The following SELP variants were observed in gnomAD, a reference collection of about 807,000 sequenced individuals.
SELP encodes the protein selectin P.
In SELP, 92 loss-of-function variants were observed where a neutral mutation model predicts 104.1. The ratio of observed to expected loss-of-function variants is 0.88; its 90% CI spans 0.75 to 1.05. SELP has a LOEUF of 1.05. Ranked by LOEUF, SELP falls within the 50% of genes least tolerant of loss-of-function variation. SELP has a pLI of 0.00. For synonymous variants in SELP, 397 were observed against 364.5 expected (o/e 1.09, Z -1.01); for missense variants, 1,022 against 1,017.3 (o/e 1.00, Z -0.06).
chr1:169,594,931 G>A lies in SELP; in HGVS notation c.2102-54C>T. On this transcript the variant is annotated intron_variant, in intron 12 of 16. Coordinates refer to ENST00000263686, the MANE Select transcript of SELP (RefSeq NM_003005.4). Reference sequence around the variant, plus strand: ...CAACATGTGGATTGGAGGTGAAAGAGATTATAGTTTCTTTTGTAACCTAAC... The same window carrying A: ...CAACATGTGGATTGGAGGTGAAAGAAATTATAGTTTCTTTTGTAACCTAAC... The A allele has an allele frequency of 2.7e-6, 4 of 1,490,750 alleles. No individual in the cohort carries two copies. The South Asian group carries it at 4.9e-5, about 18-fold the overall frequency. The allele number at this position is 1,490,750 out of a possible 1,614,324, so 92.3% of individuals were successfully genotyped here.
intron 1 of SELP, among the ~76,000 whole-genome samples, chr1:169,619,660 G>C (rs1049556107): frequency 3.3e-5 from 5 of 152,090 alleles, no homozygotes; most frequent in Non-Finnish European, 7.3e-5. Context: ...ATACTTTGAG[G>C]TGCAGAGCAT....
Position 169,595,931 on chromosome 1 carries a change from A to G in SELP, c.2095T>C (p.Cys699Arg). ...SGQWTAVTPA[C>R]RAVKCSELHV... The stretch of plus-strand genomic sequence containing the variant: ...CTGCTCCTTTTCACCTTACCTCTGC[A>G]TGCTGGAGTTACTGCTGTCCATTGT... Residue 699 changes from cysteine to arginine, a missense_variant, in exon 12 of 17, where the codon TGC becomes CGC. Physicochemically the swap from Cys to Arg is radical, Grantham distance 180. Transcript: ENST00000263686. 2 of 1,613,452 alleles carry G rather than the reference A, an allele frequency of 1.2e-6. No homozygotes were observed. Among genetic ancestry groups the G allele is most frequent in the Non-Finnish European group, 1.7e-6 (2 of 1,179,696 alleles).
chr1:169,599,201 C>T (rs1571629400), intron 10 of SELP, among the ~76,000 whole-genome samples: 1 of 152,042 alleles, frequency 6.6e-6, no homozygotes, highest in African/African-American at 2.4e-5. Flanking sequence ...ATGGTGGGCA[C>T]TCAGCAAACA....
chr1:169,595,868 T>C (rs1571623054), intron 12 of SELP, 57 bp downstream of exon 12: 1 of 1,509,648 alleles, frequency 6.6e-7, no homozygotes, highest in South Asian at 1.1e-5. Flanking sequence ...GCACAATGGC[T>C]AGCTTGAGTA....
At chr1:169,618,900 C>T (rs1390631445) in intron 2 of SELP, among the ~76,000 whole-genome samples, 3 of 152,146 alleles carry the variant, frequency 2.0e-5, no homozygotes, top group Non-Finnish European at 4.4e-5. Context: ...GCGTCTGTGT[C>T]TACTGTGCCT....
intron 1 of SELP, among the ~76,000 whole-genome samples, chr1:169,626,286 G>A (rs952777619): frequency 3.3e-5 from 5 of 152,146 alleles, no homozygotes; most frequent in African/African-American, 1.2e-4. Flanking sequence ...TAAGTGCAAT[G>A]ATAAGCCAAC....
At chr1:169,597,212 G>A (rs371483888) in intron 10 of SELP, 36 bp from the exon 11 acceptor site, 40 of 1,509,092 alleles carry the variant, frequency 2.7e-5, no homozygotes, top group Admixed American at 8.3e-5. Flanking sequence ...CAATCTCCAA[G>A]TTTATTCAGA....
In SELP at chr1:169,594,863, C is replaced by T. The variant is rs751854308; in HGVS notation, c.2116G>A (p.Glu706Lys). The stretch of plus-strand genomic sequence containing the variant: ...GCTATTGGCTTATTAACATGTAGTT[C>T]TGAGCATTTCACAGCTGCAGAAAAG... ...TPACRAVKCS[E>K]LHVNKPIAMN... Residue 706 changes from glutamate (E) to lysine (K), a missense_variant, in exon 13 of 17, where the codon GAA (glutamate) becomes AAA (lysine). By Grantham distance (56) the Glu-to-Lys change is moderately conservative. Coordinates refer to ENST00000263686, the MANE Select transcript of SELP (RefSeq NM_003005.4). 4 of 1,612,346 alleles carry T rather than the reference C, an allele frequency of 2.5e-6. No homozygotes were observed. The East Asian group carries it at 8.9e-5, about 36-fold the overall frequency.
At chr1:169,617,768 A>T (rs1339715389) in intron 2 of SELP, among the ~76,000 whole-genome samples, 1 of 152,236 alleles carries the variant, frequency 6.6e-6, no homozygotes, top group Non-Finnish European at 1.5e-5. Flanking sequence ...CTCAGATTAA[A>T]TGACATATAA....
At chr1:169,606,200 C>G (rs1442770251) in intron 9 of SELP, among the ~76,000 whole-genome samples, 2 of 152,140 alleles carry the variant, frequency 1.3e-5, no homozygotes, top group African/African-American at 4.8e-5. Context: ...ACCTGTAGTC[C>G]CAGCTACTCG....
chr1:169,625,376 C>A (rs1663325006), intron 1 of SELP, among the ~76,000 whole-genome samples: 1 of 152,190 alleles, frequency 6.6e-6, no homozygotes, highest in Non-Finnish European at 1.5e-5. Flanking sequence ...AGGTTCCCAC[C>A]TCCATGGCCC....
chr1:169,588,887 G>C lies in SELP; in HGVS notation c.*576C>G, dbSNP rs1346396643. The C allele has an allele frequency of 3.3e-5, 5 of 152,188 alleles. No homozygotes were observed. Among genetic ancestry groups the C allele is most frequent in the African/African-American group, 1.2e-4 (5 of 41,422 alleles). The allele number at this position is 152,188 out of a possible 1,614,324, so 9.4% of individuals were successfully genotyped here. On this transcript the variant is annotated 3_prime_UTR_variant, in exon 17 of 17. Transcript: ENST00000263686. Reference sequence around the variant, plus strand: ...CTTTTAATTACGCATTTGAATATTGGTCTTTGGGTCATTTGAGGGACAGTG... The same window carrying C: ...CTTTTAATTACGCATTTGAATATTGCTCTTTGGGTCATTTGAGGGACAGTG...
At chr1:169,593,543 A>T (rs1661442129) in intron 14 of SELP, 62 bp downstream of exon 14, 1 of 1,517,646 alleles carries the variant, frequency 6.6e-7, no homozygotes, top group African/African-American at 1.4e-5. Context: ...CCTAAATTAC[A>T]TAAATCAATT....
chr1:169,601,495 T>C (rs1661910430), intron 10 of SELP, among the ~76,000 whole-genome samples: 1 of 152,216 alleles, frequency 6.6e-6, no homozygotes, highest in Non-Finnish European at 1.5e-5. Context: ...ATTTTAGCTG[T>C]TTTTGTGTAA....
At position 169,611,551 on chromosome 1, in the gene SELP, A is replaced by G. The variant is rs200097376; in HGVS notation, c.1088T>C (p.Leu363Ser). 3.7e-5 allele frequency: 60 copies of G among 1,614,010 alleles called. No individual in the cohort carries two copies. The Admixed American group carries it at 5.7e-4, about 15-fold the overall frequency. Reference protein sequence around the residue: ...ECQPGYRVRGLDMLRCIDSGH... With the variant: ...ECQPGYRVRGSDMLRCIDSGH... The stretch of plus-strand genomic sequence containing the variant: ...AGAGTCAATGCAGCGGAGCATGTCC[A>G]AGCCCCTCACTCTGTAGCCGGGCTG... The change falls in exon 7 of 17, where the codon TTG (leucine) becomes TCG (serine). Residue 363 changes from leucine to serine, a missense_variant. Leu to Ser is a moderately radical substitution (Grantham distance 145, BLOSUM62 -2). Transcript: ENST00000263686.
chr1:169,596,952 T>C, intron 11 of SELP, 39 bp downstream of exon 11: 1 of 1,525,920 alleles, frequency 6.6e-7, no homozygotes, highest in Non-Finnish European at 8.9e-7. Flanking sequence ...AGAATAAATT[T>C]CCAAAAGTAG....
At chr1:169,617,657 G>T (rs773816069) in intron 2 of SELP, among the ~76,000 whole-genome samples, 3 of 152,164 alleles carry the variant, frequency 2.0e-5, no homozygotes, top group Non-Finnish European at 4.4e-5. Context: ...GATGTTAAAG[G>T]TTTGGAATCA....
At chr1:169,625,860 C>T (rs1026522610) in intron 1 of SELP, among the ~76,000 whole-genome samples, 4 of 152,008 alleles carry the variant, frequency 2.6e-5, no homozygotes, top group Non-Finnish European at 2.9e-5. Flanking sequence ...GTAGAGAAGA[C>T]AATGAAACAA....
chr1:169,617,236 C>A lies in SELP; in HGVS notation c.273G>T (p.Trp91Cys), dbSNP rs758907968. ...TCTTATTGTTCTTTCGGATCCCAATCCAGTAGTAGGAGCTGTAGTAGGGTA... is the reference window on the plus strand; with the variant it reads ...TCTTATTGTTCTTTCGGATCCCAATACAGTAGTAGGAGCTGTAGTAGGGTA... ...KVLPYYSSYYWIGIRKNNKTW... is the reference protein window; with the variant it reads ...KVLPYYSSYYCIGIRKNNKTW... Residue 91 changes from tryptophan (W) to cysteine (C), a missense_variant, in exon 3 of 17, where the codon TGG becomes TGT. Coordinates refer to ENST00000263686, the MANE Select transcript of SELP (RefSeq NM_003005.4). The A allele has an allele frequency of 6.2e-7, 1 of 1,614,070 alleles. No homozygotes were observed. Among genetic ancestry groups the A allele is most frequent in the Non-Finnish European group, 8.5e-7 (1 of 1,180,010 alleles).
Sources: gnomAD v4.1 joint callset for allele counts (sites outside exome capture counted in the v4.1 genomes callset) on GRCh38, gnomAD v4.1.1 for gene constraint, MANE v1.5 for transcripts, NCBI Gene and HGNC (gene_info 2026-07-23, HGNC 2026-07-21) for gene names.